UBAP1: variants seen among roughly 807,000 people sequenced by gnomAD.
UBAP1 encodes ubiquitin associated protein 1.
In UBAP1, 5 loss-of-function variants were observed where a neutral mutation model predicts 39.0. That is an observed-to-expected ratio of 0.13 (90% confidence interval 0.07 to 0.27). UBAP1 has a LOEUF of 0.27. UBAP1 is among the 10% of genes least tolerant of loss of function. The pLI is 1.00. For synonymous variants in UBAP1, 211 were observed against 225.1 expected, an observed-to-expected ratio of 0.94 and a Z score of 0.56; for missense variants, 490 against 608.1, an observed-to-expected ratio of 0.81 and a Z score of 2.04.
intron 2 of UBAP1, among the ~76,000 whole-genome samples, chr9:34,231,794 C>A (rs1385582529): frequency 2.7e-5 from 4 of 149,988 alleles, no homozygotes; most frequent in African/African-American, 9.8e-5. Context: ...ACAGGCGCCC[C>A]CACTGCGCCC....
intron 2 of UBAP1, among the ~76,000 whole-genome samples, chr9:34,230,005 T>C (rs754660523): frequency 6.6e-5 from 10 of 152,136 alleles, no homozygotes; most frequent in Non-Finnish European, 1.3e-4. Flanking sequence ...TTTGTAGTTT[T>C]TCTCCAACTC....
chr9:34,220,844 C>T, intron 1 of UBAP1, 64 bp from the exon 2 acceptor site: 1 of 1,475,372 alleles, frequency 6.8e-7, no homozygotes, highest in Non-Finnish European at 9.4e-7. Flanking sequence ...TTTTTGTACT[C>T]TCAATTTTCT....
At chr9:34,200,204 A>G (rs1409527103) in intron 1 of UBAP1, among the ~76,000 whole-genome samples, 1 of 152,178 alleles carries the variant, frequency 6.6e-6, no homozygotes, top group Non-Finnish European at 1.5e-5. Flanking sequence ...TCTCAGTTAT[A>G]TGAAATCAGT....
intron 1 of UBAP1, among the ~76,000 whole-genome samples, chr9:34,207,333 ACCACGCCTGGCCG>A (rs1831764516): frequency 1.3e-5 from 2 of 150,212 alleles, no homozygotes; most frequent in African/African-American, 4.9e-5. Context: ...GGTGTGGGTC[ACCACGCCTGGCCG>A]CTTAATTGTT....
intron 4 of UBAP1, 75 bp downstream of exon 4, chr9:34,242,183 T>C: frequency 1.4e-6 from 2 of 1,451,504 alleles, no homozygotes; most frequent in Middle Eastern, 1.8e-4. Flanking sequence ...TGTTGTTTGG[T>C]TGATTTTTTT....
chr9:34,181,729 G>A (rs1830049523), intron 1 of UBAP1, among the ~76,000 whole-genome samples: 1 of 135,576 alleles, frequency 7.4e-6, no homozygotes, highest in African/African-American at 2.6e-5. Flanking sequence ...ACCGTGCCAG[G>A]CCTTTTTTTT....
intron 1 of UBAP1, among the ~76,000 whole-genome samples, chr9:34,184,428 G>A (rs952136011): frequency 2.6e-5 from 4 of 150,950 alleles, no homozygotes; most frequent in South Asian, 2.1e-4. Context: ...TCAGGAGATC[G>A]AGACCATCCT....
At chr9:34,224,627 A>G (rs912605645) in intron 2 of UBAP1, 1 of 378,242 alleles carries the variant, frequency 2.6e-6, no homozygotes, top group African/African-American at 2.1e-5. Flanking sequence ...AGAGATGCCC[A>G]TTGCTCGGCG....
chr9:34,183,332 A>C (rs1394872045), intron 1 of UBAP1, among the ~76,000 whole-genome samples: 1 of 151,662 alleles, frequency 6.6e-6, no homozygotes, highest in Non-Finnish European at 1.5e-5. Context: ...TCATGAGGTC[A>C]GGAGATTGAG....
At chr9:34,235,193 A>G (rs1833623853) in intron 3 of UBAP1, among the ~76,000 whole-genome samples, 3 of 152,216 alleles carry the variant, frequency 2.0e-5, no homozygotes, top group Admixed American at 1.3e-4. Context: ...TTAGTTCGGA[A>G]GAGTAAAAAA....
chr9:34,198,590 CTGGT>C (rs976968164), intron 1 of UBAP1, among the ~76,000 whole-genome samples: 1 of 152,182 alleles, frequency 6.6e-6, no homozygotes, highest in African/African-American at 2.4e-5. Context: ...GTTGGGCTCT[CTGGT>C]TGGGTGAGGC....
At chr9:34,236,375 A>T (rs760034159) in intron 3 of UBAP1, among the ~76,000 whole-genome samples, 1 of 152,172 alleles carries the variant, frequency 6.6e-6, no homozygotes, top group South Asian at 2.1e-4. Flanking sequence ...GTGTAAATAC[A>T]CTCTGCCCTC....
chr9:34,202,682 C>CGTGTGT, intron 1 of UBAP1, among the ~76,000 whole-genome samples: 1 of 73,700 alleles, frequency 1.4e-5, no homozygotes, highest in Non-Finnish European at 2.5e-5. Context: ...TGTGTGTCCC[C>CGTGTGT]GTCCCCGTAT....
At chr9:34,250,086 G>A (rs1008230239) in intron 5 of UBAP1, 125 bp downstream of exon 5, 7 of 1,038,370 alleles carry the variant, frequency 6.7e-6, no homozygotes, top group African/African-American at 3.2e-5. Flanking sequence ...GTGAGGACAC[G>A]GGGCATGTTT....
chr9:34,200,245 A>T (rs758885312), intron 1 of UBAP1, among the ~76,000 whole-genome samples: 4 of 152,116 alleles, frequency 2.6e-5, no homozygotes, highest in Non-Finnish European at 5.9e-5. Context: ...TATATTTTGG[A>T]TTAAAGTCCC....
At chr9:34,183,566 AAAC>A (rs1830209159) in intron 1 of UBAP1, among the ~76,000 whole-genome samples, 1 of 151,352 alleles carries the variant, frequency 6.6e-6, no homozygotes, top group African/African-American at 2.4e-5. Flanking sequence ...AAAAAAAAAA[AAAC>A]ATTAAATAAA....
intron 4 of UBAP1, among the ~76,000 whole-genome samples, chr9:34,249,008 C>T (rs1197003399): frequency 6.6e-6 from 1 of 152,126 alleles, no homozygotes; most frequent in African/African-American, 2.4e-5. Context: ...AATCACGGCA[C>T]TCTGTACGCC....
In UBAP1 at chr9:34,179,149, G is replaced by A. The variant is rs923368315; in HGVS notation, c.-99G>A. The A allele has an allele frequency of 4.8e-6, 6 of 1,248,340 alleles. No homozygotes were observed. The highest frequency in any genetic ancestry group is 2.1e-4 in the Middle Eastern group (1 of 4,720). 77.3% of individuals were successfully genotyped at this position (1,248,340 alleles called of 1,614,324 possible). A position where few individuals can be genotyped will look rare whatever the true frequency, so the allele number is the denominator to read the frequency against. On this transcript the variant is annotated 5_prime_UTR_variant, in exon 1 of 7. Coordinates refer to ENST00000297661, the MANE Select transcript of UBAP1 (RefSeq NM_016525.5). ...GGTGGTGGCGTTCGCTCTCCCTAGGGGCTGTCGGGAGCTCAGCGGGGACCG... is the reference window on the plus strand; with the variant it reads ...GGTGGTGGCGTTCGCTCTCCCTAGGAGCTGTCGGGAGCTCAGCGGGGACCG...
chr9:34,192,674 G>A (rs765172885), intron 1 of UBAP1, among the ~76,000 whole-genome samples: 19 of 151,756 alleles, frequency 1.3e-4, no homozygotes, highest in Non-Finnish European at 2.5e-4. Context: ...TCCTGGCCTC[G>A]AGCATACCTC....
Sources: allele counts gnomAD v4.1 joint callset (sites outside exome capture counted in the v4.1 genomes callset), GRCh38; gene constraint gnomAD v4.1.1; transcripts MANE v1.5; gene names NCBI Gene and HGNC (gene_info 2026-07-23, HGNC 2026-07-21).